ROBO1: variants seen among roughly 807,000 people sequenced by gnomAD.
The protein encoded by ROBO1 is roundabout guidance receptor 1, also known as roundabout homolog 1.
In ROBO1, 149 loss-of-function variants were observed where a neutral mutation model predicts 195.9. The observed-to-expected ratio is 0.76, with a 90% confidence interval of 0.67 to 0.87. The LOEUF is 0.87. ROBO1 is among the 40% of genes least tolerant of loss of function. The probability of loss-of-function intolerance (pLI) is 0.00; values close to 1 mark genes in which losing one functional copy is unlikely to be tolerated. For synonymous variants in ROBO1, 816 were observed against 733.2 expected, an observed-to-expected ratio of 1.11 and a Z score of -1.82; for missense variants, 1,933 against 2,068.3, an observed-to-expected ratio of 0.93 and a Z score of 1.27.
chr3:78,884,642 A>AG, intron 4 of ROBO1, among the ~76,000 whole-genome samples: 2 of 92,222 alleles, frequency 2.2e-5, no homozygotes, highest in African/African-American at 5.0e-5. Context: ...AGAGAAAGAA[A>AG]GAAAGAAAGG....
chr3:78,621,587 ATG>A (rs1422711605), intron 26 of ROBO1, among the ~76,000 whole-genome samples: 6 of 152,350 alleles, frequency 3.9e-5, no homozygotes, highest in African/African-American at 1.4e-4. Flanking sequence ...TGTGATAAAC[ATG>A]TACAGTTTGA....
chr3:79,636,233 G>A (rs1311290493), intron 1 of ROBO1, among the ~76,000 whole-genome samples: 1 of 152,124 alleles, frequency 6.6e-6, no homozygotes, highest in Non-Finnish European at 1.5e-5. Flanking sequence ...TGTAAGTGCT[G>A]TCTGGGGCTG....
chr3:79,557,018 TTG>T (rs1307266514), intron 2 of ROBO1, among the ~76,000 whole-genome samples: 39 of 142,450 alleles, frequency 2.7e-4, no homozygotes, highest in African/African-American at 1.1e-3. Flanking sequence ...CCTTTTTTTG[TTG>T]TTTTTTTTTT....
intron 3 of ROBO1, among the ~76,000 whole-genome samples, chr3:79,014,623 A>G (rs1277434087): frequency 6.6e-6 from 1 of 151,804 alleles, no homozygotes; most frequent in Non-Finnish European, 1.5e-5. Flanking sequence ...TTTCTACTAC[A>G]CTTCTCCAGA....
chr3:78,659,636 G>A, intron 17 of ROBO1, 50 bp downstream of exon 17: 3 of 1,287,788 alleles, frequency 2.3e-6, no homozygotes, highest in South Asian at 2.5e-5. Context: ...TTTATGAATG[G>A]TGGGGGCTGC....
chr3:78,996,319 TA>T (rs1400856014), intron 3 of ROBO1, among the ~76,000 whole-genome samples: 2 of 89,954 alleles, frequency 2.2e-5, no homozygotes, highest in African/African-American at 4.4e-5. Flanking sequence ...CCATCTCTAT[TA>T]AAAAAACAAA....
intron 1 of ROBO1, among the ~76,000 whole-genome samples, chr3:79,762,963 CAA>C (rs1437273038): frequency 1.3e-5 from 2 of 151,984 alleles, no homozygotes; most frequent in Non-Finnish European, 2.9e-5. Context: ...AGGGACATAG[CAA>C]AGAGGAATGT....
chr3:79,675,494 T>A (rs937536706), intron 1 of ROBO1, among the ~76,000 whole-genome samples: 2 of 151,924 alleles, frequency 1.3e-5, no homozygotes, highest in African/African-American at 4.8e-5. Flanking sequence ...GAGTTTTCCC[T>A]CCTCTTCATG....
At chr3:79,350,660 C>T (rs2035307218) in intron 2 of ROBO1, among the ~76,000 whole-genome samples, 1 of 152,118 alleles carries the variant, frequency 6.6e-6, no homozygotes, top group Non-Finnish European at 1.5e-5. Flanking sequence ...ACCTTGAAAA[C>T]ATCATGCTAC....
intron 2 of ROBO1, among the ~76,000 whole-genome samples, chr3:79,563,146 T>C (rs1419457290): frequency 6.6e-6 from 1 of 152,038 alleles, no homozygotes; most frequent in African/African-American, 2.4e-5. Flanking sequence ...CGTGGACATG[T>C]CATGTGTTTT....
intron 3 of ROBO1, among the ~76,000 whole-genome samples, chr3:79,004,814 C>T (rs2077583661): frequency 6.6e-6 from 1 of 152,080 alleles, no homozygotes; most frequent in Non-Finnish European, 1.5e-5. Context: ...CCAACATATC[C>T]AAATACAAGG....
intron 1 of ROBO1, among the ~76,000 whole-genome samples, chr3:79,680,081 A>G (rs1946899450): frequency 6.6e-6 from 1 of 152,036 alleles, no homozygotes; most frequent in Non-Finnish European, 1.5e-5. Context: ...TTAGCTAGTG[A>G]TGGTCCTCAC....
intron 2 of ROBO1, among the ~76,000 whole-genome samples, chr3:79,503,479 A>G (rs926565444): frequency 1.3e-5 from 2 of 152,230 alleles, no homozygotes; most frequent in African/African-American, 4.8e-5. Flanking sequence ...GCACAATGTT[A>G]TGAAGTGATA....
intron 3 of ROBO1, among the ~76,000 whole-genome samples, chr3:79,047,015 G>A (rs990713547): frequency 1.3e-5 from 2 of 152,132 alleles, no homozygotes; most frequent in Non-Finnish European, 2.9e-5. Flanking sequence ...CTGAAGGTAT[G>A]CAACTCACTT....
intron 18 of ROBO1, among the ~76,000 whole-genome samples, chr3:78,655,494 C>T (rs1706949663): frequency 6.6e-6 from 1 of 152,142 alleles, no homozygotes; most frequent in South Asian, 2.1e-4. Context: ...AACCCATCCG[C>T]CTATGATCCT....
At chr3:79,501,967 T>C (rs1002981578) in intron 2 of ROBO1, among the ~76,000 whole-genome samples, 1 of 152,224 alleles carries the variant, frequency 6.6e-6, no homozygotes, top group African/African-American at 2.4e-5. Flanking sequence ...CTGGACACAG[T>C]CGTTTGAGTA....
intron 1 of ROBO1, among the ~76,000 whole-genome samples, chr3:79,694,410 A>G (rs1016499765): frequency 3.3e-5 from 5 of 151,798 alleles, no homozygotes; most frequent in African/African-American, 9.7e-5. Flanking sequence ...ACAGTGATGT[A>G]TGCTGTGAAA....
At chr3:79,082,314 G>T (rs1485837372) in intron 3 of ROBO1, among the ~76,000 whole-genome samples, 1 of 151,996 alleles carries the variant, frequency 6.6e-6, no homozygotes, top group Non-Finnish European at 1.5e-5. Context: ...GTCATATATT[G>T]TCTATACTTA....
chr3:78,878,499 C>T (rs906249514), intron 4 of ROBO1, among the ~76,000 whole-genome samples: 2 of 146,490 alleles, frequency 1.4e-5, no homozygotes, highest in Admixed American at 7.0e-5. Context: ...GCAGGAGAAT[C>T]GCTTGAACTG....
Sources: gnomAD v4.1 joint callset for allele counts (sites outside exome capture counted in the v4.1 genomes callset) on GRCh38, gnomAD v4.1.1 for gene constraint, MANE v1.5 for transcripts, NCBI Gene and HGNC (gene_info 2026-07-23, HGNC 2026-07-21) for gene names.